Variants in ZZEF1 observed in about 807,000 individuals in gnomAD.
ZZEF1 encodes the protein zinc finger ZZ-type and EF-hand domain containing 1.
A neutral mutation model predicts 342.8 loss-of-function variants in ZZEF1; 157 were observed. The ratio of observed to expected loss-of-function variants is 0.46; its 90% CI spans 0.40 to 0.52. The LOEUF (loss-of-function observed/expected upper bound fraction) is 0.52. ZZEF1 is among the 20% of genes least tolerant of loss of function. ZZEF1 has a pLI of 0.00. For missense variants in ZZEF1, 3,480 were observed against 3,725.6 expected, an observed-to-expected ratio of 0.93 and a Z score of 1.72; for synonymous variants, 1,505 against 1,429.1, an observed-to-expected ratio of 1.05 and a Z score of -1.20.
chr17:4,085,570 G>C, intron 16 of ZZEF1, 100 bp downstream of exon 16: 3 of 1,435,332 alleles, frequency 2.1e-6, no homozygotes, highest in Non-Finnish European at 2.9e-6. Context: ...ATACACATCT[G>C]GGACGTTGCA....
Position 4,072,650 on chromosome 17 carries a change from T to C in ZZEF1, c.3792A>G (p.Leu1264=). Residue 1264 remains leucine, a synonymous_variant, in exon 25 of 55, where the codon TTA becomes TTG. Coordinates refer to ENST00000381638, the MANE Select transcript of ZZEF1 (RefSeq NM_015113.4). The part of the protein sequence containing the change: ...FRHQVCPELE[L]EASWPTHPHR... ...GTGGGTGAGTGGGCCAGCTTGCTTC[T>C]AATTCCAACTCTGGACAAACCTGAT... 1 of 1,614,094 alleles carries C rather than the reference T, an allele frequency of 6.2e-7. No homozygotes were observed. The highest frequency in any genetic ancestry group is 8.5e-7 in the Non-Finnish European group (1 of 1,179,954).
At chr17:4,019,791 A>G (rs1281764698) in intron 45 of ZZEF1, 22 bp from the exon 46 acceptor site, 1 of 1,576,492 alleles carries the variant, frequency 6.3e-7, no homozygotes. Context: ...GGGAGGACGC[A>G]GACAAGAACC....
chr17:4,126,641 T>C (rs913160953), intron 1 of ZZEF1, among the ~76,000 whole-genome samples: 32 of 152,108 alleles, frequency 2.1e-4, no homozygotes, highest in African/African-American at 7.7e-4. Context: ...TGGATGTAAG[T>C]GGTAAAAAGC....
intron 52 of ZZEF1, among the ~76,000 whole-genome samples, chr17:4,011,379 G>A (rs1173035200): frequency 6.6e-6 from 1 of 151,742 alleles, no homozygotes; most frequent in Non-Finnish European, 1.5e-5. Flanking sequence ...ACTCCAGCCT[G>A]GGCGAAAGAG....
At chr17:4,025,200 T>C (rs1412499343) in intron 42 of ZZEF1, 82 bp from the exon 43 acceptor site, 2 of 1,323,070 alleles carry the variant, frequency 1.5e-6, no homozygotes, top group Non-Finnish European at 2.1e-6. Context: ...TATAGTAACA[T>C]GCCTTACTAA....
chr17:4,030,225 A>C (rs1262797877), intron 42 of ZZEF1, among the ~76,000 whole-genome samples: 1 of 152,180 alleles, frequency 6.6e-6, no homozygotes, highest in Admixed American at 6.5e-5. Context: ...TAGACTATCT[A>C]GGAAACAAAA....
chr17:4,075,450 G>A, intron 21 of ZZEF1, 21 bp from the exon 22 acceptor site: 2 of 1,611,062 alleles, frequency 1.2e-6, no homozygotes, highest in Non-Finnish European at 1.7e-6. Context: ...AAATGAGCCA[G>A]GGGAAAGAAA....
rs2057629657 is a variant in ZZEF1 at position 4,076,736 on chromosome 17, G to C, written c.3135C>G (p.Cys1045Trp). Reference sequence around the variant, plus strand: ...GCACGCAGTGTGGGATGTCTAAAGTGCAGAAGTCCAGCAGGAAGATAACCT... The same window carrying C: ...GCACGCAGTGTGGGATGTCTAAAGTCCAGAAGTCCAGCAGGAAGATAACCT... ...RQLVIFLLDF[C>W]TLDIPHCVLL... is the part of the protein sequence containing the mutation. Residue 1045 changes from cysteine (C) to tryptophan (W), a missense_variant, in exon 21 of 55, where the codon TGC becomes TGG. Coordinates refer to ENST00000381638, the MANE Select transcript of ZZEF1 (RefSeq NM_015113.4). The C allele has an allele frequency of 1.9e-6, 3 of 1,611,244 alleles. No homozygotes were observed. Among genetic ancestry groups the C allele is most frequent in the Non-Finnish European group, 2.5e-6 (3 of 1,177,680 alleles).
intron 2 of ZZEF1, among the ~76,000 whole-genome samples, chr17:4,118,954 T>C (rs2058441277): frequency 6.6e-6 from 1 of 152,172 alleles, no homozygotes; most frequent in Non-Finnish European, 1.5e-5. Context: ...TGTGATATCT[T>C]GTGGAAGGGA....
intron 9 of ZZEF1, among the ~76,000 whole-genome samples, chr17:4,099,510 C>T (rs945647007): frequency 6.6e-6 from 1 of 151,712 alleles, no homozygotes; most frequent in African/African-American, 2.4e-5. Flanking sequence ...GCATGAGCCA[C>T]TGTGTCCAGC....
Position 4,009,682 on chromosome 17 carries a change from G to A in ZZEF1, c.8655C>T (p.Asp2885=), listed in dbSNP as rs371758183. Residue 2885 remains aspartate, a synonymous_variant, in exon 53 of 55, where the codon GAC becomes GAT. Coordinates refer to ENST00000381638, the MANE Select transcript of ZZEF1 (RefSeq NM_015113.4). The part of the protein sequence containing the change: ...FTHMEYGLFE[D]VTQPGILLPL... The stretch of plus-strand genomic sequence containing the variant: ...GAAGGAGGATGCCGGGCTGCGTCAC[G>A]TCCTCAAACAGGCCGTACTCCATGT... 1.9e-5 allele frequency: 31 copies of A among 1,613,948 alleles called. No individual in the cohort carries two copies. The highest frequency in any genetic ancestry group is 1.6e-4 in the Middle Eastern group (1 of 6,084).
Position 4,017,922 on chromosome 17 carries a change from G to C in ZZEF1, c.7555C>G (p.Gln2519Glu). Residue 2519 changes from glutamine to glutamate, a missense_variant, in exon 47 of 55, where the codon CAG (glutamine) becomes GAG (glutamate). This residue lies in a region of ZZEF1 where 1,269 missense variants were observed against 1,342.4 expected (regional missense o/e 0.95). Coordinates refer to ENST00000381638, the MANE Select transcript of ZZEF1 (RefSeq NM_015113.4). This position sits in a 1 kb window ranked among gnomAD's most constrained non-coding sequence, Gnocchi z 5.1. ...TTDERIRSLA[Q>E]RWQPSKSLRL... ...AGACTCTTACTGGGCTGCCACCGCT[G>C]AGCCAGGGACCGTATCCTTTCATCT... 6.2e-7 allele frequency: 1 copy of C among 1,614,124 alleles called. No homozygotes were observed. The highest frequency in any genetic ancestry group is 1.1e-5 in the South Asian group (1 of 91,084).
intron 1 of ZZEF1, among the ~76,000 whole-genome samples, chr17:4,132,505 T>C (rs541501403): frequency 2.6e-5 from 4 of 152,238 alleles, no homozygotes; most frequent in Non-Finnish European, 4.4e-5. Flanking sequence ...AAGACCATCC[T>C]GGCTAACACG....
chr17:4,069,589 G>A (rs1337639952), intron 26 of ZZEF1, among the ~76,000 whole-genome samples: 3 of 152,200 alleles, frequency 2.0e-5, no homozygotes, highest in African/African-American at 7.2e-5. Flanking sequence ...CCAGCACTTT[G>A]GGAGGCTGAG....
rs930241789 is a variant in ZZEF1, at chr17:4,037,486, A to T, written c.6307-3194T>A. ...CACAATAGGTGGCCTGTGATCTTCA[A>T]AAGCTCATGATCACGAAAGTAAAGA... On this transcript the variant is annotated intron_variant, in intron 39 of 54. Transcript: ENST00000381638. Among the ~76,000 whole-genome samples the T allele has an allele frequency of 2.6e-5, 4 of 152,258 alleles. 1 individual carries two copies. Among genetic ancestry groups the T allele is most frequent in the Non-Finnish European group, 5.9e-5 (4 of 68,052 alleles).
In ZZEF1 at chr17:4,025,122, A is replaced by C; in HGVS notation, c.6893-4T>G. The stretch of plus-strand genomic sequence containing the variant: ...TGGACCAGCTGGTAGTCCTTCACTG[A>C]AGGGTGACATCAGGCAGAAAAAGAA... On this transcript the variant is annotated splice_polypyrimidine_tract_variant and splice_region_variant and intron_variant, in intron 42 of 54. Coordinates refer to ENST00000381638, the MANE Select transcript of ZZEF1 (RefSeq NM_015113.4). 1 of 1,613,918 alleles carries C rather than the reference A, an allele frequency of 6.2e-7. No homozygotes were observed. The highest frequency in any genetic ancestry group is 8.5e-7 in the Non-Finnish European group (1 of 1,179,974).
intron 9 of ZZEF1, among the ~76,000 whole-genome samples, chr17:4,098,053 C>A (rs1290274124): frequency 1.3e-5 from 2 of 151,552 alleles, no homozygotes; most frequent in Non-Finnish European, 2.9e-5. Flanking sequence ...GCCTGGCCAA[C>A]ATGGTGAAAA....
intron 6 of ZZEF1, among the ~76,000 whole-genome samples, chr17:4,107,335 T>C (rs2058228492): frequency 6.6e-6 from 1 of 152,166 alleles, no homozygotes; most frequent in Non-Finnish European, 1.5e-5. Flanking sequence ...CCTCTTCCTT[T>C]TCCTGAAAAT....
chr17:4,031,304 A>T (rs1337993074), intron 42 of ZZEF1, among the ~76,000 whole-genome samples: 1 of 151,294 alleles, frequency 6.6e-6, no homozygotes, highest in Non-Finnish European at 1.5e-5. Flanking sequence ...CAACAGAGTG[A>T]GACTTGGTCT....
Sources: gnomAD v4.1 joint callset for allele counts (sites outside exome capture counted in the v4.1 genomes callset) on GRCh38, gnomAD v4.1.1 for gene constraint, gnomAD v4.1.1 regional missense constraint, Gnocchi (gnomAD v3.1) non-coding constraint, MANE v1.5 for transcripts, NCBI Gene and HGNC (gene_info 2026-07-23, HGNC 2026-07-21) for gene names.